USP45: variants seen among roughly 807,000 people sequenced by gnomAD.
The protein encoded by USP45 is ubiquitin specific peptidase 45, also known as ubiquitin carboxyl-terminal hydrolase 45.
USP45 carries 89 observed loss-of-function variants against 95.8 expected under a neutral mutation model. The observed-to-expected ratio is 0.93, with a 90% CI of 0.78 to 1.11. The LOEUF is 1.11. Among genes scored for constraint, USP45 ranks in the 50% least tolerant of loss-of-function variants. USP45 has a pLI of 0.00. For synonymous variants in USP45, 281 were observed against 316.2 expected, an observed-to-expected ratio of 0.89 and a Z score of 1.18; for missense variants, 898 against 942.5, an observed-to-expected ratio of 0.95 and a Z score of 0.62.
chr6:99,481,250 A>G (rs1792335803), intron 8 of USP45, among the ~76,000 whole-genome samples: 1 of 152,272 alleles, frequency 6.6e-6, no homozygotes, highest in South Asian at 2.1e-4. Context: ...TGTATAAAAT[A>G]TATCAAGCAA....
chr6:99,484,316 T>C (rs1793280435), intron 7 of USP45, among the ~76,000 whole-genome samples: 1 of 151,426 alleles, frequency 6.6e-6, no homozygotes, highest in Admixed American at 6.6e-5. Flanking sequence ...TACAGATGAA[T>C]GCCAGCATAT....
At chr6:99,515,612 T>A (rs1213449504), upstream of USP45, 3 of 152,148 alleles carry the variant, frequency 2.0e-5, no homozygotes, top group African/African-American at 7.2e-5. Context: ...GGAGAGTCCC[T>A]GATAATCTAA....
intron 7 of USP45, among the ~76,000 whole-genome samples, chr6:99,483,899 G>GT (rs1793103886): frequency 7.1e-6 from 1 of 140,444 alleles, no homozygotes; most frequent in African/African-American, 2.7e-5. Context: ...TGAATATATT[G>GT]TCCTATTCCT....
Position 99,437,375 on chromosome 6 carries a change from G to C in USP45, c.2185C>G (p.Leu729Val). 6.2e-7 allele frequency: 1 copy of C among 1,600,766 alleles called. No homozygotes were observed. The highest frequency in any genetic ancestry group is 8.5e-7 in the Non-Finnish European group (1 of 1,176,162). Residue 729 changes from leucine to valine, a missense_variant, in exon 17 of 18, where the codon CTC becomes GTC. Coordinates refer to ENST00000500704, the MANE Select transcript of USP45 (RefSeq NM_001346022.3). ...TCCACTATGCCATAGAGACCGTAGA[G>C]AACTTTATCTCCCACACTTGCATTC... is the stretch of plus-strand genomic sequence containing the variant. ...CKNASVGDKV[L>V]YGLYGIVEHS...
At chr6:99,507,726 A>G (rs771707300) in intron 3 of USP45, among the ~76,000 whole-genome samples, 195 bp from the exon 4 acceptor site, 6 of 152,256 alleles carry the variant, frequency 3.9e-5, no homozygotes, top group African/African-American at 7.2e-5. Context: ...CTCAATATAC[A>G]GTATTTACCT....
At position 99,446,136 on chromosome 6, in the gene USP45, T is replaced by A. The variant is rs189281869; in HGVS notation, c.1636A>T (p.Lys546Ter). 4.1e-4 allele frequency: 667 copies of A among 1,614,158 alleles called. 4 individuals carry two copies. The East Asian group carries it at 9.4e-3, about 23-fold the overall frequency. Residue 546 changes from lysine (K) to a stop codon, truncating the protein, a stop_gained, in exon 14 of 18, where the codon AAG becomes TAG. Coordinates refer to ENST00000500704, the MANE Select transcript of USP45 (RefSeq NM_001346022.3). LOFTEE classifies it high-confidence loss of function. Reference protein sequence around the residue: ...PLSAGKLLYTKETDSGDKEMA... With the variant: ...PLSAGKLLYT ...TCCTTATCACCACTGTCAGTCTCCT[T>A]GGTGTACAGCAGTTTACCTGCTGAC...
chr6:99,496,327 T>C (rs1187341072), intron 5 of USP45, among the ~76,000 whole-genome samples: 1 of 151,974 alleles, frequency 6.6e-6, no homozygotes, highest in South Asian at 2.1e-4. Flanking sequence ...AGTAATCAAA[T>C]TGTTACTGAA....
At chr6:99,489,686 C>A (rs1794742978) in intron 5 of USP45, among the ~76,000 whole-genome samples, 1 of 152,128 alleles carries the variant, frequency 6.6e-6, no homozygotes, top group Non-Finnish European at 1.5e-5. Context: ...GTGCCTCAGG[C>A]CTGTAATCCT....
intron 1 of USP45, among the ~76,000 whole-genome samples, chr6:99,513,002 G>C (rs963862177): frequency 6.6e-6 from 1 of 152,172 alleles, no homozygotes; most frequent in South Asian, 2.1e-4. Context: ...CAGCAGGGCA[G>C]GGAGAAGTGG....
At chr6:99,469,307 A>G (rs544852092) in intron 9 of USP45, among the ~76,000 whole-genome samples, 1 of 151,780 alleles carries the variant, frequency 6.6e-6, no homozygotes. Context: ...TTTCAGAATA[A>G]AACTACATAC....
At chr6:99,473,920 A>G (rs541094210) in intron 9 of USP45, among the ~76,000 whole-genome samples, 3 of 152,224 alleles carry the variant, frequency 2.0e-5, no homozygotes, top group South Asian at 2.1e-4. Flanking sequence ...ATCTAAATAG[A>G]AAGTGGTAGG....
rs141256159 is a variant in USP45 at position 99,508,007 on chromosome 6, T to G, written c.274-476A>C. 6.2e-3 allele frequency among the ~76,000 whole-genome samples: 941 copies of G among 152,294 alleles called. 6 individuals are homozygous for G. The highest frequency in any genetic ancestry group is 0.018 in the African/African-American group (739 of 41,550). On this transcript the variant is annotated intron_variant, in intron 3 of 17. Coordinates refer to ENST00000500704, the MANE Select transcript of USP45 (RefSeq NM_001346022.3). ...GCTGAATCTTTCCAGAAGGCTTTTT[T>G]TTTGTTTGTTTTTTAAGAGGAACAC...
chr6:99,508,302 T>C (rs1405790674), intron 3 of USP45, among the ~76,000 whole-genome samples: 1 of 152,174 alleles, frequency 6.6e-6, no homozygotes, highest in Non-Finnish European at 1.5e-5. Flanking sequence ...GAGAAAAAAA[T>C]TAATCTGAAA....
chr6:99,475,469 C>G (rs1052747336), intron 9 of USP45, among the ~76,000 whole-genome samples: 4 of 152,030 alleles, frequency 2.6e-5, no homozygotes, highest in African/African-American at 7.2e-5. Flanking sequence ...GCACACGCTA[C>G]CACACCTGGC....
At chr6:99,515,534 G>A (rs1801016275), upstream of USP45, 1 of 152,236 alleles carries the variant, frequency 6.6e-6, no homozygotes, top group Non-Finnish European at 1.5e-5. Flanking sequence ...GGGCCCGGGA[G>A]CGCGGGGAGG....
chr6:99,481,945 C>A (rs1054031009), intron 8 of USP45, among the ~76,000 whole-genome samples: 5 of 152,148 alleles, frequency 3.3e-5, no homozygotes, highest in African/African-American at 1.2e-4. Flanking sequence ...TTTGAAGAAA[C>A]ATCATTTGCC....
chr6:99,441,014 A>G (rs1781420554), intron 15 of USP45, among the ~76,000 whole-genome samples: 1 of 152,184 alleles, frequency 6.6e-6, no homozygotes, highest in East Asian at 1.9e-4. Context: ...ATCTAGACTT[A>G]TATTTGCATA....
In USP45 at chr6:99,466,253, C is replaced by T. The variant is rs1482394034; in HGVS notation, c.1107+419G>A. 2.0e-5 allele frequency among the ~76,000 whole-genome samples: 3 copies of T among 152,290 alleles called. No homozygotes were observed. The East Asian group carries it at 5.8e-4, about 29-fold the overall frequency. ...CAGGCTAGTCTTGAATTCCTGACCT[C>T]AAGTGATCCGCCGGCCTTGGCCTCC... On this transcript the variant is annotated intron_variant, in intron 11 of 17. Transcript: ENST00000500704.
Position 99,465,132 on chromosome 6 carries a change from G to C in USP45, c.1112C>G (p.Ser371Cys). 6.3e-7 allele frequency: 1 copy of C among 1,590,128 alleles called. No individual in the cohort carries two copies. The highest frequency in any genetic ancestry group is 8.6e-7 in the Non-Finnish European group (1 of 1,165,590). ...ATCAATGAATGGATCTTTCACCGTG[G>C]AGATCTTAAAAGGAAAACACATTGA... ...TVMCEECANI[S>C]TVKDPFIDIS... Residue 371 changes from serine to cysteine, a missense_variant, in exon 12 of 18, where the codon TCC (serine) becomes TGC (cysteine). Physicochemically the swap from Ser to Cys is moderately radical, Grantham distance 112. Coordinates refer to ENST00000500704, the MANE Select transcript of USP45 (RefSeq NM_001346022.3).
Sources: allele counts gnomAD v4.1 joint callset (sites outside exome capture counted in the v4.1 genomes callset), GRCh38; gene constraint gnomAD v4.1.1; transcripts MANE v1.5; gene names NCBI Gene and HGNC (gene_info 2026-07-23, HGNC 2026-07-21).